The following LIPA variants were observed in gnomAD, a reference collection of about 807,000 sequenced individuals.
LIPA encodes lipase A, lysosomal acid type, also known as lysosomal acid lipase/cholesteryl ester hydrolase.
In LIPA, 26 loss-of-function variants were observed where a neutral mutation model predicts 40.6. The ratio of observed to expected loss-of-function variants is 0.64; its 90% CI spans 0.47 to 0.89. LIPA has a LOEUF of 0.89. LIPA is among the 40% of genes least tolerant of loss of function. The probability of loss-of-function intolerance (pLI) is 0.00; values close to 1 mark genes in which losing one functional copy is unlikely to be tolerated. For synonymous variants in LIPA, 188 were observed against 168.4 expected (o/e 1.12, Z -0.90); for missense variants, 455 against 479.6 (o/e 0.95, Z 0.48).
chr10:89,261,833 T>C (rs979584447), intron 1 of LIPA, among the ~76,000 whole-genome samples: 2 of 152,216 alleles, frequency 1.3e-5, no homozygotes, highest in African/African-American at 4.8e-5. Flanking sequence ...TGTCTCTCTA[T>C]TGCTGCCCTG....
intron 2 of LIPA, among the ~76,000 whole-genome samples, chr10:89,364,267 C>T (rs1844043269): frequency 6.6e-6 from 1 of 152,216 alleles, no homozygotes; most frequent in African/African-American, 2.4e-5. Context: ...AGGTACCTGG[C>T]ACCTGCCAGA....
rs1010709268 is a variant in LIPA, at chr10:89,406,600, G to A, written c.61+6191C>T. On this transcript the variant is annotated intron_variant, in intron 2 of 8. Transcript: ENST00000371837. Reference sequence around the variant, plus strand: ...CCACCAGGAGGAACAAACAACTCCCGACACACCACCTTTAAGACCTGTAAC... The same window carrying A: ...CCACCAGGAGGAACAAACAACTCCCAACACACCACCTTTAAGACCTGTAAC... The A allele has an allele frequency of 2.3e-4, 35 of 152,652 alleles. 1 individual carries two copies. The highest frequency in any genetic ancestry group is 8.2e-4 in the African/African-American group (34 of 41,356). The allele number at this position is 152,652 out of a possible 1,614,324, so 9.5% of individuals were successfully genotyped here.
chr10:89,331,179 G>C (rs1843646077), intron 1 of LIPA, among the ~76,000 whole-genome samples: 1 of 152,056 alleles, frequency 6.6e-6, no homozygotes, highest in African/African-American at 2.4e-5. Context: ...TGTTGTTGCT[G>C]TTGTTGTTTT....
chr10:89,402,824 C>T (rs752694710), intron 2 of LIPA: 1 of 1,614,214 alleles, frequency 6.2e-7, no homozygotes, highest in Non-Finnish European at 8.5e-7. Context: ...GGTATGCGAT[C>T]TCTGCCTATC....
chr10:89,403,058 C>A (rs756559489), intron 2 of LIPA: 2 of 1,614,170 alleles, frequency 1.2e-6, no homozygotes, highest in Admixed American at 3.3e-5. Context: ...CCAAGTTTTA[C>A]CGAAGAAAAG....
intron 3 of LIPA, among the ~76,000 whole-genome samples, chr10:89,238,554 GTC>G (rs1367599966): frequency 1.3e-5 from 2 of 152,048 alleles, no homozygotes; most frequent in African/African-American, 2.4e-5. Flanking sequence ...CACTTCTCCT[GTC>G]TCCCCTTCCA....
chr10:89,245,897 A>G, intron 2 of LIPA, 104 bp from the exon 3 acceptor site: 1 of 771,232 alleles, frequency 1.3e-6, no homozygotes, highest in East Asian at 2.5e-5. Flanking sequence ...AGGCTTTAAG[A>G]AAGCATTTGT....
At chr10:89,263,631 C>T (rs1322819311) in intron 1 of LIPA, among the ~76,000 whole-genome samples, 1 of 152,258 alleles carries the variant, frequency 6.6e-6, no homozygotes, top group African/African-American at 2.4e-5. Context: ...GCATATGGAA[C>T]TGTCATAAGA....
intron 1 of LIPA, chr10:89,306,876 A>G (rs3898075): frequency 3.7e-6 from 6 of 1,614,002 alleles, no homozygotes; most frequent in African/African-American, 2.7e-5. Context: ...AATGGAATGT[A>G]TGGGAAAAGA....
rs749702479 is a variant in LIPA at position 89,383,660 on chromosome 10, C to A, written c.61+29131G>T. ...ATGGGCAGATTGGCAGAAGCCCAGA[C>A]TTACCTGGACAAGGTGGAGAACACT... On this transcript the variant is annotated intron_variant, in intron 2 of 8. Coordinates refer to the LIPA transcript ENST00000371837. 3.7e-6 allele frequency: 6 copies of A among 1,614,126 alleles called. No individual in the cohort carries two copies. In the Admixed American group the frequency reaches 1.0e-4, roughly 27 times the overall value.
intron 1 of LIPA, among the ~76,000 whole-genome samples, chr10:89,302,423 G>A (rs529329927): frequency 7.9e-5 from 12 of 152,210 alleles, no homozygotes; most frequent in South Asian, 6.2e-4. Flanking sequence ...ATGTTTCATC[G>A]GCCTGGTGCT....
intron 2 of LIPA, among the ~76,000 whole-genome samples, chr10:89,362,094 G>C (rs1289712235): frequency 6.6e-6 from 1 of 151,746 alleles, no homozygotes; most frequent in Non-Finnish European, 1.5e-5. Context: ...TGTAGAGCTA[G>C]AGTTTTGCCA....
At chr10:89,377,405 G>A (rs964600558) in intron 2 of LIPA, among the ~76,000 whole-genome samples, 5 of 151,056 alleles carry the variant, frequency 3.3e-5, no homozygotes, top group Admixed American at 1.3e-4. Flanking sequence ...ACCACTAATG[G>A]TGAACAGTAA....
At chr10:89,413,766 CAAA>C (rs376455922) in intron 1 of LIPA, among the ~76,000 whole-genome samples, 1 of 82,890 alleles carries the variant, frequency 1.2e-5, no homozygotes, top group Non-Finnish European at 2.4e-5. Flanking sequence ...GACCCTGTCT[CAAA>C]AAAAAAAAAA....
chr10:89,290,339 C>A (rs145615751), intron 1 of LIPA, among the ~76,000 whole-genome samples: 1 of 152,164 alleles, frequency 6.6e-6, no homozygotes, highest in East Asian at 1.9e-4. Flanking sequence ...CACAGTATCA[C>A]CCCTTACCAC....
chr10:89,382,943 C>T (rs1467336564), intron 2 of LIPA, among the ~76,000 whole-genome samples: 1 of 152,190 alleles, frequency 6.6e-6, no homozygotes, highest in Non-Finnish European at 1.5e-5. Flanking sequence ...TTCTGTGAAC[C>T]CTCTCTCCAC....
chr10:89,403,120 C>T, intron 2 of LIPA: 1 of 1,614,106 alleles, frequency 6.2e-7, no homozygotes. Context: ...CAGGAAACAC[C>T]CACTTCTGTC....
chr10:89,247,454 G>T, intron 2 of LIPA, 84 bp downstream of exon 2: 38 of 629,274 alleles, frequency 6.0e-5, no homozygotes, highest in Non-Finnish European at 8.3e-5. Flanking sequence ...AGAGATGAAT[G>T]TATGGGTATG....
At chr10:89,359,826 CACACACACACACACACAA>C (rs1284269689) in intron 2 of LIPA, among the ~76,000 whole-genome samples, 1 of 151,286 alleles carries the variant, frequency 6.6e-6, no homozygotes, top group Non-Finnish European at 1.5e-5. Context: ...CACACACACA[CACACACACACACACACAA>C]ACACACACAC....
Sources: gnomAD v4.1 joint callset for allele counts (sites outside exome capture counted in the v4.1 genomes callset) on GRCh38, gnomAD v4.1.1 for gene constraint, MANE v1.5 for transcripts, NCBI Gene and HGNC (gene_info 2026-07-23, HGNC 2026-07-21) for gene names.